IVNS1ABP: variants seen among roughly 807,000 people sequenced by gnomAD.
IVNS1ABP encodes the protein influenza virus NS1A-binding protein.
In IVNS1ABP, 25 loss-of-function variants were observed where a neutral mutation model predicts 78.9. The observed-to-expected ratio is 0.32, with a 90% CI of 0.23 to 0.44. The LOEUF is 0.44. IVNS1ABP is among the 20% of genes least tolerant of loss of function. IVNS1ABP has a pLI of 1.00. For synonymous variants in IVNS1ABP, 241 were observed against 259.7 expected, an observed-to-expected ratio of 0.93 and a Z score of 0.69; for missense variants, 494 against 768.9, an observed-to-expected ratio of 0.64 and a Z score of 4.23.
chr1:185,304,685 T>C (rs189743643), intron 8 of IVNS1ABP, among the ~76,000 whole-genome samples: 35 of 152,306 alleles, frequency 2.3e-4, no homozygotes, highest in Admixed American at 1.8e-3. Flanking sequence ...TAATTTAATG[T>C]GTCAGAAGGT....
In IVNS1ABP at chr1:185,301,121, T is replaced by C; in HGVS notation, c.971A>G (p.Gln324Arg). 1 of 1,613,552 alleles carries C rather than the reference T, an allele frequency of 6.2e-7. No homozygotes were observed. The highest frequency in any genetic ancestry group is 8.5e-7 in the Non-Finnish European group (1 of 1,179,720). The change falls in exon 10 of 15, where the codon CAG becomes CGG. Residue 324 changes from glutamine to arginine, a missense_variant. Gln to Arg is a conservative substitution (Grantham distance 43). Coordinates refer to ENST00000367498, the MANE Select transcript of IVNS1ABP (RefSeq NM_006469.5). ...TTTTGGAGTACTTGTTGGTGAGCTC[T>C]GTGGGCTGTTTCTCCCATGAAGAAA... Reference protein sequence around the residue: ...VIFLHGRNSPQSSPTSTPKLS... With the variant: ...VIFLHGRNSPRSSPTSTPKLS...
chr1:185,315,811 T>G (rs1169043568), intron 1 of IVNS1ABP, among the ~76,000 whole-genome samples: 1 of 152,064 alleles, frequency 6.6e-6, no homozygotes, highest in African/African-American at 2.4e-5. Flanking sequence ...CTGTTAAGAG[T>G]GGTACTAGGC....
In IVNS1ABP at chr1:185,317,096, T is replaced by A. The variant is rs1666056681; in HGVS notation, c.-390A>T. On this transcript the variant is annotated 5_prime_UTR_variant, in exon 1 of 15. Coordinates refer to ENST00000367498, the MANE Select transcript of IVNS1ABP (RefSeq NM_006469.5). ...GTCAAGTAGAAGGACGAGGGGCCAG[T>A]CCGTGGAGACTGAAAGGAAGGGGGA... 2 of 397,820 alleles carry A rather than the reference T, an allele frequency of 5.0e-6. No homozygotes were observed. The highest frequency in any genetic ancestry group is 4.4e-6 in the Non-Finnish European group (1 of 225,986). 24.6% of individuals were successfully genotyped at this position (397,820 alleles called of 1,614,324 possible). A position where few individuals can be genotyped will look rare whatever the true frequency, so the allele number is the denominator to read the frequency against.
At position 185,297,874 on chromosome 1, in the gene IVNS1ABP, C is replaced by A. The variant is rs2102810160; in HGVS notation, c.*161G>T. 1.6e-6 allele frequency: 1 copy of A among 636,832 alleles called. No individual in the cohort carries two copies. Among genetic ancestry groups the A allele is most frequent in the Non-Finnish European group, 2.6e-6 (1 of 378,460 alleles). 39.4% of individuals were successfully genotyped at this position (636,832 alleles called of 1,614,324 possible). A position where few individuals can be genotyped will look rare whatever the true frequency, so the allele number is the denominator to read the frequency against. ...TCTTTGCATTCCTTTCCAAATAAAC[C>A]CAAAAAGTATGTACAGCATGTTTAA... On this transcript the variant is annotated 3_prime_UTR_variant, in exon 15 of 15. Coordinates refer to ENST00000367498, the MANE Select transcript of IVNS1ABP (RefSeq NM_006469.5).
chr1:185,300,268 T>C lies in IVNS1ABP; in HGVS notation c.1318A>G (p.Ile440Val). The change falls in exon 12 of 15, where the codon ATA becomes GTA. Residue 440 changes from isoleucine (I) to valine (V), a missense_variant. Coordinates refer to ENST00000367498, the MANE Select transcript of IVNS1ABP (RefSeq NM_006469.5). ...LSCGEMYDSN[I>V]DDWIPVPELR... ...TCTGGAACAGGAATCCAGTCATCTATGTTTGAATCATACATCTCTCCACAA... is the reference window on the plus strand; with the variant it reads ...TCTGGAACAGGAATCCAGTCATCTACGTTTGAATCATACATCTCTCCACAA... 6.2e-7 allele frequency: 1 copy of C among 1,613,472 alleles called. No individual in the cohort carries two copies. The highest frequency in any genetic ancestry group is 8.5e-7 in the Non-Finnish European group (1 of 1,179,756).
chr1:185,316,368 G>A (rs866510797), intron 1 of IVNS1ABP, among the ~76,000 whole-genome samples: 47 of 152,280 alleles, frequency 3.1e-4, no homozygotes, highest in African/African-American at 1.0e-3. Flanking sequence ...AGAAAAGCGG[G>A]CAACGTGGAG....
chr1:185,307,484 C>T lies in IVNS1ABP; in HGVS notation c.531+5G>A, dbSNP rs1345475072. 6.2e-7 allele frequency: 1 copy of T among 1,609,304 alleles called. No homozygotes were observed. ...ATATATCTGTTTATAGACTTTACTCCTTACCTTTAGCCTTGGAAGCTTAAG... is the reference window on the plus strand; with the variant it reads ...ATATATCTGTTTATAGACTTTACTCTTTACCTTTAGCCTTGGAAGCTTAAG... On this transcript the variant is annotated splice_donor_5th_base_variant and intron_variant, in intron 6 of 14. Coordinates refer to ENST00000367498, the MANE Select transcript of IVNS1ABP (RefSeq NM_006469.5).
Position 185,317,241 on chromosome 1 carries a change from A to C in IVNS1ABP, c.-535T>G, listed in dbSNP as rs958471817. On this transcript the variant is annotated 5_prime_UTR_variant, in exon 1 of 15. Coordinates refer to ENST00000367498, the MANE Select transcript of IVNS1ABP (RefSeq NM_006469.5). ...CGACCTCCACGCGCGACCGGGAGAC[A>C]CTGCCTCCGCCGCCGCCGACCGCTC... The C allele has an allele frequency of 2.0e-5, 8 of 398,294 alleles. No individual in the cohort carries two copies. The highest frequency in any genetic ancestry group is 4.1e-5 in the African/African-American group (2 of 48,548). 24.7% of individuals were successfully genotyped at this position (398,294 alleles called of 1,614,324 possible).
chr1:185,296,562 G>T lies in IVNS1ABP; in HGVS notation c.*1473C>A, dbSNP rs1665423678. ...ACAGAGTTACCAACCAAACTGATTT[G>T]CTTTCCTGGTGGTTCTTTGTGTAAC... On this transcript the variant is annotated 3_prime_UTR_variant, in exon 15 of 15. Coordinates refer to ENST00000367498, the MANE Select transcript of IVNS1ABP (RefSeq NM_006469.5). The T allele has an allele frequency of 6.6e-6, 1 of 152,104 alleles. No homozygotes were observed. Among genetic ancestry groups the T allele is most frequent in the African/African-American group, 2.4e-5 (1 of 41,432 alleles). The allele number at this position is 152,104 out of a possible 1,614,324, so 9.4% of individuals were successfully genotyped here. A position where few individuals can be genotyped will look rare whatever the true frequency, so the allele number is the denominator to read the frequency against.
At chr1:185,299,608 ATTCTT>A in intron 14 of IVNS1ABP, 97 bp downstream of exon 14, 2 of 1,074,084 alleles carry the variant, frequency 1.9e-6, no homozygotes, top group Middle Eastern at 2.0e-4. Flanking sequence ...CTGCTTCTGA[ATTCTT>A]AACTGTACAA....
rs1665546982 is a variant in IVNS1ABP, at chr1:185,300,510, G to A, written c.1169C>T (p.Pro390Leu). 6.2e-7 allele frequency: 1 copy of A among 1,613,276 alleles called. No individual in the cohort carries two copies. The highest frequency in any genetic ancestry group is 1.3e-5 in the African/African-American group (1 of 74,846). Residue 390 changes from proline (P) to leucine (L), a missense_variant, in exon 11 of 15, where the codon CCA becomes CTA. Physicochemically the swap from Pro to Leu is moderately conservative, Grantham distance 98 (BLOSUM62 -3). Coordinates refer to ENST00000367498, the MANE Select transcript of IVNS1ABP (RefSeq NM_006469.5). ...ECLRTVECYN[P>L]HTDHWSFLAP... is the part of the protein sequence containing the mutation. Reference sequence around the variant, plus strand: ...AAGAAAGGACCAGTGATCTGTATGTGGATTATAGCATTCGACTGTTCGAAG... The same window carrying A: ...AAGAAAGGACCAGTGATCTGTATGTAGATTATAGCATTCGACTGTTCGAAG...
At chr1:185,311,702 C>G (rs1442300345) in intron 1 of IVNS1ABP, among the ~76,000 whole-genome samples, 1 of 152,144 alleles carries the variant, frequency 6.6e-6, no homozygotes, top group Non-Finnish European at 1.5e-5. Context: ...AGCAAGCAAC[C>G]TTAGGCATTA....
intron 2 of IVNS1ABP, among the ~76,000 whole-genome samples, chr1:185,310,215 C>T (rs1051304398): frequency 1.3e-5 from 2 of 152,266 alleles, no homozygotes; most frequent in Admixed American, 6.5e-5. Context: ...TCACTTATCT[C>T]ATCAGATTAT....
rs1416763024 is a variant in IVNS1ABP at position 185,309,257 on chromosome 1, C to A, written c.112-85G>T. On this transcript the variant is annotated intron_variant, in intron 3 of 14. Coordinates refer to ENST00000367498, the MANE Select transcript of IVNS1ABP (RefSeq NM_006469.5). The stretch of plus-strand genomic sequence containing the variant: ...TACTATATCAGATTCCTTTATCTTA[C>A]ATTTCTCAGTATTCTTTTAAAAAAT... 5 of 1,217,790 alleles carry A rather than the reference C, an allele frequency of 4.1e-6. No individual in the cohort carries two copies. The South Asian group carries it at 6.2e-5, about 15-fold the overall frequency. 75.4% of individuals were successfully genotyped at this position (1,217,790 alleles called of 1,614,324 possible). A position where few individuals can be genotyped will look rare whatever the true frequency, so the allele number is the denominator to read the frequency against.
At chr1:185,312,789 A>T (rs997074086) in intron 1 of IVNS1ABP, among the ~76,000 whole-genome samples, 4 of 152,232 alleles carry the variant, frequency 2.6e-5, no homozygotes, top group African/African-American at 9.6e-5. Context: ...GAGAGAACAC[A>T]CTATCCTAAA....
chr1:185,307,652 T>G lies in IVNS1ABP; in HGVS notation c.368A>C (p.Asp123Ala). ...AACATCCATTCTAGACAGTAAATAATCACCACAAACCTTGGAAAAGAAATA... is the reference window on the plus strand; with the variant it reads ...AACATCCATTCTAGACAGTAAATAAGCACCACAAACCTTGGAAAAGAAATA... The part of the protein sequence containing the change: ...KMDRVKQVCG[D>A]YLLSRMDVTS... The change falls in exon 6 of 15, where the codon GAT becomes GCT. Residue 123 changes from aspartate (D) to alanine (A), a missense_variant. Physicochemically the swap from Asp to Ala is moderately radical, Grantham distance 126. Transcript: ENST00000367498. 7 of 1,612,916 alleles carry G rather than the reference T, an allele frequency of 4.3e-6. No homozygotes were observed. Among genetic ancestry groups the G allele is most frequent in the Non-Finnish European group, 5.9e-6 (7 of 1,179,402 alleles).
chr1:185,298,142 T>C lies in IVNS1ABP; in HGVS notation c.1822A>G (p.Ile608Val). ...CCATCGAATCCTCCCACTGCATAAA[T>C]GGTGTTCCCTACAGTTGCAATCCCA... The part of the protein sequence containing the change: ...NAGIATVGNT[I>V]YAVGGFDGNE... The change falls in exon 15 of 15, where the codon ATT becomes GTT. Residue 608 changes from isoleucine (I) to valine (V), a missense_variant. Ile to Val is a conservative substitution (Grantham distance 29). Transcript: ENST00000367498. This position sits in a 1 kb window ranked among gnomAD's most constrained non-coding sequence, Gnocchi z 4.1. The C allele has an allele frequency of 1.2e-6, 2 of 1,613,868 alleles. No homozygotes were observed. The highest frequency in any genetic ancestry group is 1.7e-6 in the Non-Finnish European group (2 of 1,179,828).
intron 10 of IVNS1ABP, 184 bp from the exon 11 acceptor site, chr1:185,300,742 A>C (rs1665570430): frequency 1.4e-6 from 1 of 715,926 alleles, no homozygotes; most frequent in South Asian, 2.0e-5. Flanking sequence ...CAGTACAAAT[A>C]AACTGCTTAG....
chr1:185,299,684 T>G, intron 14 of IVNS1ABP, 26 bp downstream of exon 14: 1 of 1,611,528 alleles, frequency 6.2e-7, no homozygotes, highest in East Asian at 2.2e-5. Flanking sequence ...TATCTACTCT[T>G]CACCTCTCCA....
Sources: gnomAD v4.1 joint callset for allele counts (sites outside exome capture counted in the v4.1 genomes callset) on GRCh38, gnomAD v4.1.1 for gene constraint, Gnocchi (gnomAD v3.1) non-coding constraint, MANE v1.5 for transcripts, NCBI Gene and HGNC (gene_info 2026-07-23, HGNC 2026-07-21) for gene names.